BARD1: variants seen among roughly 807,000 people sequenced by gnomAD.
BARD1 encodes the protein BRCA1 associated RING domain 1, also known as BRCA1-associated RING domain protein 1.
In BARD1, 73 loss-of-function variants were observed where a neutral mutation model predicts 77.0. The ratio of observed to expected loss-of-function variants is 0.95; its 90% CI spans 0.79 to 1.15. The LOEUF is 1.15. Among genes scored for constraint, BARD1 ranks in the 50% most tolerant of loss-of-function variants. BARD1 has a pLI of 0.00. For synonymous variants in BARD1, 384 were observed against 338.0 expected, an observed-to-expected ratio of 1.14 and a Z score of -1.49; for missense variants, 993 against 938.8, an observed-to-expected ratio of 1.06 and a Z score of -0.75.
At chr2:214,746,202 A>T (rs1197339094) in intron 7 of BARD1, among the ~76,000 whole-genome samples, 4 of 152,054 alleles carry the variant, frequency 2.6e-5, no homozygotes, top group Non-Finnish European at 5.9e-5. Flanking sequence ...TCCCTATTCC[A>T]CCTCCACTAA....
intron 1 of BARD1, among the ~76,000 whole-genome samples, chr2:214,801,097 G>T (rs1326397289): frequency 6.6e-6 from 1 of 152,208 alleles, no homozygotes; most frequent in Non-Finnish European, 1.5e-5. Flanking sequence ...ATGAAGCAAA[G>T]AATGTTTTCA....
intron 6 of BARD1, among the ~76,000 whole-genome samples, chr2:214,759,036 G>C (rs529819340): frequency 3.9e-4 from 59 of 152,278 alleles, no homozygotes; most frequent in African/African-American, 1.3e-3. Flanking sequence ...CAAACATATA[G>C]ATTTAATTTT....
chr2:214,781,695 G>A (rs775368339), intron 3 of BARD1, among the ~76,000 whole-genome samples, 186 bp from the exon 4 acceptor site: 9 of 151,946 alleles, frequency 5.9e-5, no homozygotes, highest in Non-Finnish European at 1.3e-4. Context: ...TACTGAATCC[G>A]ACTTTGTGCC....
In BARD1 at chr2:214,725,989, C is replaced by A. The variant is rs1259713899; in HGVS notation, c.*2687G>T. 4.5e-6 allele frequency: 1 copy of A among 222,962 alleles called. No homozygotes were observed. The highest frequency in any genetic ancestry group is 2.2e-5 in the African/African-American group (1 of 44,450). The allele number at this position is 222,962 out of a possible 1,614,324, so 13.8% of individuals were successfully genotyped here. On this transcript the variant is annotated 3_prime_UTR_variant, in exon 11 of 11. Transcript: ENST00000260947. ...GGAAACATCAAACCTCCCCAAATATCATCCTCTAGGCAGAGGTCACTTAAC... is the reference window on the plus strand; with the variant it reads ...GGAAACATCAAACCTCCCCAAATATAATCCTCTAGGCAGAGGTCACTTAAC...
chr2:214,788,780 C>A (rs1574834131), intron 3 of BARD1, among the ~76,000 whole-genome samples: 1 of 152,028 alleles, frequency 6.6e-6, no homozygotes, highest in South Asian at 2.1e-4. Flanking sequence ...ATAAAGAAGA[C>A]CAACTGTCAT....
At chr2:214,732,790 A>G (rs74559000) in intron 9 of BARD1, among the ~76,000 whole-genome samples, 10,112 of 152,236 alleles carry the variant, frequency 0.066, 474 homozygotes, top group African/African-American at 0.13. Flanking sequence ...ACTTTAGACT[A>G]ACTCAGACTT....
intron 1 of BARD1, among the ~76,000 whole-genome samples, chr2:214,803,334 A>G (rs1696114511): frequency 6.6e-6 from 1 of 152,160 alleles, no homozygotes; most frequent in African/African-American, 2.4e-5. Flanking sequence ...GATTAGTATA[A>G]GAGGAAGGCA....
At chr2:214,750,292 G>GC (rs1693346141) in intron 7 of BARD1, among the ~76,000 whole-genome samples, 1 of 152,058 alleles carries the variant, frequency 6.6e-6, no homozygotes, top group African/African-American at 2.4e-5. Flanking sequence ...CTCCCAGCTA[G>GC]CCTGCAGACA....
rs373624193 is a variant in BARD1 at position 214,763,044 on chromosome 2, A to G, written c.1568+4438T>C. On this transcript the variant is annotated intron_variant, in intron 6 of 10. Transcript: ENST00000260947. The stretch of plus-strand genomic sequence containing the variant: ...GTTTAGCACACACAGCCTTTCAAAG[A>G]CCCTGCCCATCTTCTCTGGCCTCTC... 3.3e-5 allele frequency among the ~76,000 whole-genome samples: 5 copies of G among 152,092 alleles called. No homozygotes were observed. The East Asian group carries it at 9.7e-4, about 29-fold the overall frequency.
intron 4 of BARD1, among the ~76,000 whole-genome samples, chr2:214,773,482 CT>C: frequency 6.6e-6 from 1 of 152,260 alleles, no homozygotes; most frequent in East Asian, 1.9e-4. Context: ...ACAGGCATAT[CT>C]CGGAGATACT....
intron 1 of BARD1, among the ~76,000 whole-genome samples, chr2:214,807,962 AAAAC>A (rs1438546154): frequency 2.0e-5 from 3 of 152,208 alleles, no homozygotes; most frequent in Non-Finnish European, 4.4e-5. Flanking sequence ...GTGCTACAGG[AAAAC>A]AAACACACAA....
At chr2:214,791,958 G>A (rs2106133441) in intron 3 of BARD1, among the ~76,000 whole-genome samples, 1 of 152,076 alleles carries the variant, frequency 6.6e-6, no homozygotes, top group South Asian at 2.1e-4. Context: ...TCTGGACCTT[G>A]ATTTCTCAAC....
intron 1 of BARD1, among the ~76,000 whole-genome samples, chr2:214,807,505 TTATTC>T (rs1696328210): frequency 6.6e-6 from 1 of 152,238 alleles, no homozygotes; most frequent in African/African-American, 2.4e-5. Context: ...TATTTATCAT[TTATTC>T]TATCACAACC....
intron 7 of BARD1, among the ~76,000 whole-genome samples, chr2:214,746,125 C>T (rs1056114395): frequency 6.6e-6 from 1 of 152,138 alleles, no homozygotes; most frequent in Admixed American, 6.5e-5. Context: ...GGTTTTACTT[C>T]ATTCAGTCAC....
chr2:214,746,264 C>T (rs1574740690), intron 7 of BARD1, among the ~76,000 whole-genome samples: 1 of 152,122 alleles, frequency 6.6e-6, no homozygotes, highest in Non-Finnish European at 1.5e-5. Flanking sequence ...CTGAGATTAT[C>T]TGAAAAATCA....
intron 9 of BARD1, among the ~76,000 whole-genome samples, chr2:214,741,488 G>A (rs1053840554): frequency 6.6e-6 from 1 of 152,092 alleles, no homozygotes; most frequent in African/African-American, 2.4e-5. Context: ...TACTCTATGA[G>A]ATTCGTAAGA....
Position 214,781,458 on chromosome 2 carries a change from T to C in BARD1, c.416A>G (p.Lys139Arg). 1 of 1,613,106 alleles carries C rather than the reference T, an allele frequency of 6.2e-7. No homozygotes were observed. The highest frequency in any genetic ancestry group is 1.3e-5 in the African/African-American group (1 of 75,010). The part of the protein sequence containing the change: ...RKSLFNDAGN[K>R]KNSIKMWFSP... ...AAACCACATTTTAATTGAATTCTTC[T>C]TGTTTCCTGCATCATTAAACAAACT... Residue 139 changes from lysine (K) to arginine (R), a missense_variant, in exon 4 of 11, where the codon AAG (lysine) becomes AGG (arginine). Lys to Arg is a conservative substitution (Grantham distance 26, BLOSUM62 2). Transcript: ENST00000260947.
chr2:214,749,177 T>A (rs1432968412), intron 7 of BARD1, among the ~76,000 whole-genome samples: 1 of 116,510 alleles, frequency 8.6e-6, no homozygotes, highest in Non-Finnish European at 1.8e-5. Context: ...GAACATCTAG[T>A]TCCTGGAAAA....
At chr2:214,778,504 G>C (rs561342911) in intron 4 of BARD1, among the ~76,000 whole-genome samples, 1 of 152,072 alleles carries the variant, frequency 6.6e-6, no homozygotes. Flanking sequence ...AAACTCATAT[G>C]AAGTAATCTT....
Sources: gnomAD v4.1 joint callset for allele counts (sites outside exome capture counted in the v4.1 genomes callset) on GRCh38, gnomAD v4.1.1 for gene constraint, MANE v1.5 for transcripts, NCBI Gene and HGNC (gene_info 2026-07-23, HGNC 2026-07-21) for gene names.